The following CGNL1 variants were observed in gnomAD, a reference collection of about 807,000 sequenced individuals.
CGNL1 encodes cingulin-like protein 1.
In CGNL1, 132 loss-of-function variants were observed where a neutral mutation model predicts 141.2. The observed-to-expected ratio is 0.93, with a 90% CI of 0.81 to 1.08. The LOEUF is 1.08. CGNL1 is among the 50% of genes least tolerant of loss of function. The pLI is 0.00. For synonymous variants in CGNL1, 690 were observed against 622.1 expected, an observed-to-expected ratio of 1.11 and a Z score of -1.63; for missense variants, 1,870 against 1,588.6, an observed-to-expected ratio of 1.18 and a Z score of -3.01.
chr15:57,467,417 A>G (rs1345667391), intron 8 of CGNL1, among the ~76,000 whole-genome samples: 1 of 152,120 alleles, frequency 6.6e-6, no homozygotes, highest in Non-Finnish European at 1.5e-5. Context: ...CAGCATGAGC[A>G]ATACCTTGTA....
At position 57,453,686 on chromosome 15, in the gene CGNL1, A is replaced by G. The variant is rs201944158; in HGVS notation, c.2058A>G (p.Leu686=). The change falls in exon 7 of 19, where the codon CTA becomes CTG. Residue 686 remains leucine (L), a synonymous_variant. Transcript: ENST00000281282. Reference sequence around the variant, plus strand: ...AATGGGCTTCCTTCCCTGCCAGGCTATTCCAGGTGAAGATGGAACGGGAGC... The same window carrying G: ...AATGGGCTTCCTTCCCTGCCAGGCTGTTCCAGGTGAAGATGGAACGGGAGC... ...EGELRKNLEE[L]FQVKMEREQH... is the part of the protein sequence containing the mutation. 2.6e-4 allele frequency: 418 copies of G among 1,613,758 alleles called. No homozygotes were observed. Among genetic ancestry groups the G allele is most frequent in the Middle Eastern group, 3.3e-4 (2 of 6,060 alleles).
intron 8 of CGNL1, among the ~76,000 whole-genome samples, chr15:57,475,495 GTGTGTGT>G (rs2063641797): frequency 2.0e-3 from 1 of 506 alleles, no homozygotes; most frequent in South Asian, 0.25. Flanking sequence ...CAAGTGTGGT[GTGTGTGT>G]GTGTGTGTGT....
At chr15:57,492,131 T>C (rs1249920403) in intron 8 of CGNL1, among the ~76,000 whole-genome samples, 2 of 152,224 alleles carry the variant, frequency 1.3e-5, no homozygotes, top group Non-Finnish European at 2.9e-5. Flanking sequence ...TCCTCAGGTA[T>C]GATGACTTAT....
At chr15:57,516,200 G>A (rs1242788212) in intron 8 of CGNL1, among the ~76,000 whole-genome samples, 3 of 149,938 alleles carry the variant, frequency 2.0e-5, no homozygotes, top group Non-Finnish European at 4.4e-5. Context: ...AAGAGACCCT[G>A]CCCATGCAAA....
In CGNL1 at chr15:57,549,869, C is replaced by T. The variant is rs570557759; in HGVS notation, c.*2379C>T. On this transcript the variant is annotated 3_prime_UTR_variant, in exon 19 of 19. Transcript: ENST00000281282. ...TTCATAATTTCCCTGCTGCTTCTCC[C>T]ATCGTTAGACATCTGCCAGTAAGCC... is the stretch of plus-strand genomic sequence containing the variant. The T allele has an allele frequency of 1.3e-5, 2 of 152,296 alleles. No individual in the cohort carries two copies. Among genetic ancestry groups the T allele is most frequent in the African/African-American group, 4.8e-5 (2 of 41,546 alleles). The allele number at this position is 152,296 out of a possible 1,614,324, so 9.4% of individuals were successfully genotyped here.
intron 1 of CGNL1, among the ~76,000 whole-genome samples, chr15:57,388,483 CG>C (rs2062508142): frequency 6.6e-6 from 1 of 152,176 alleles, no homozygotes; most frequent in Non-Finnish European, 1.5e-5. Context: ...ATCCTCCCTC[CG>C]GGGTTCTGTT....
At chr15:57,436,836 A>G (rs1208462470) in intron 1 of CGNL1, among the ~76,000 whole-genome samples, 1 of 152,194 alleles carries the variant, frequency 6.6e-6, no homozygotes, top group East Asian at 1.9e-4. Flanking sequence ...ATCAAGAAAT[A>G]GAAGAAAACA....
At chr15:57,435,043 C>T (rs1353916379) in intron 1 of CGNL1, among the ~76,000 whole-genome samples, 1 of 151,960 alleles carries the variant, frequency 6.6e-6, no homozygotes, top group African/African-American at 2.4e-5. Flanking sequence ...ATATTTTGAT[C>T]ATTTGGAAAT....
intron 8 of CGNL1, among the ~76,000 whole-genome samples, chr15:57,505,105 C>T (rs10220805): frequency 6.6e-6 from 1 of 151,974 alleles, no homozygotes; most frequent in East Asian, 1.9e-4. Flanking sequence ...GGCTGGGAAA[C>T]AATTGCTCTA....
intron 1 of CGNL1, among the ~76,000 whole-genome samples, chr15:57,413,687 A>T (rs2062818355): frequency 6.6e-6 from 1 of 152,268 alleles, no homozygotes; most frequent in African/African-American, 2.4e-5. Flanking sequence ...AAGCATAGCT[A>T]ACTAGATTTC....
intron 1 of CGNL1, among the ~76,000 whole-genome samples, chr15:57,411,010 A>G (rs2062780562): frequency 1.3e-5 from 2 of 152,246 alleles, no homozygotes; most frequent in African/African-American, 4.8e-5. Context: ...ACTGTACCAC[A>G]AAGACCAAGT....
chr15:57,396,046 G>A (rs2062598422), intron 1 of CGNL1, among the ~76,000 whole-genome samples: 1 of 152,024 alleles, frequency 6.6e-6, no homozygotes, highest in South Asian at 2.1e-4. Context: ...CTTTGTATTT[G>A]GCTTTTTTTA....
intron 8 of CGNL1, among the ~76,000 whole-genome samples, chr15:57,467,756 C>G (rs897234973): frequency 7.9e-6 from 1 of 126,694 alleles, no homozygotes; most frequent in African/African-American, 3.0e-5. Context: ...ATGGTGTGAT[C>G]TTGACTCACT....
At position 57,451,596 on chromosome 15, in the gene CGNL1, G is replaced by A. The variant is rs780724057; in HGVS notation, c.1900G>A (p.Val634Ile). 5 of 1,604,014 alleles carry A rather than the reference G, an allele frequency of 3.1e-6. No individual in the cohort carries two copies. The highest frequency in any genetic ancestry group is 4.3e-6 in the Non-Finnish European group (5 of 1,172,854). Residue 634 changes from valine (V) to isoleucine (I), a missense_variant, in exon 5 of 19, where the codon GTC becomes ATC. Val to Ile is a conservative substitution (Grantham distance 29). Transcript: ENST00000281282. ...AELQRQLQLE[V>I]KNQQNIKEER... is the part of the protein sequence containing the mutation. ...ACTTCAGAGACAGCTTCAACTGGAA[G>A]TCAAGGTATCTGGTTTTTCCTTTAT...
chr15:57,401,377 C>G (rs2062658750), intron 1 of CGNL1, among the ~76,000 whole-genome samples: 1 of 152,150 alleles, frequency 6.6e-6, no homozygotes, highest in African/African-American at 2.4e-5. Context: ...TTTTTAAATG[C>G]AGAATTTTAA....
intron 8 of CGNL1, among the ~76,000 whole-genome samples, chr15:57,484,757 C>T (rs1354001780): frequency 6.6e-6 from 1 of 152,044 alleles, no homozygotes; most frequent in Non-Finnish European, 1.5e-5. Flanking sequence ...TGATGTTCCC[C>T]TCCCTGTGTT....
intron 8 of CGNL1, among the ~76,000 whole-genome samples, chr15:57,468,150 T>A (rs1378225761): frequency 5.3e-5 from 8 of 151,748 alleles, no homozygotes; most frequent in African/African-American, 1.2e-4. Flanking sequence ...TAGGTGAGAG[T>A]TAATTACCTA....
intron 14 of CGNL1, among the ~76,000 whole-genome samples, chr15:57,539,190 T>C (rs2032430255): frequency 6.6e-6 from 1 of 152,204 alleles, no homozygotes; most frequent in South Asian, 2.1e-4. Flanking sequence ...ACTAGATTTC[T>C]TTGTCTCTCT....
chr15:57,428,284 C>G (rs1449828437), intron 1 of CGNL1, among the ~76,000 whole-genome samples: 2 of 152,210 alleles, frequency 1.3e-5, no homozygotes, highest in Non-Finnish European at 2.9e-5. Context: ...GGTCTCTGCT[C>G]AAGAAAGAGT....
Sources: gnomAD v4.1 joint callset for allele counts (sites outside exome capture counted in the v4.1 genomes callset) on GRCh38, gnomAD v4.1.1 for gene constraint, MANE v1.5 for transcripts, NCBI Gene and HGNC (gene_info 2026-07-23, HGNC 2026-07-21) for gene names.